The following USP34 variants were observed in gnomAD, a reference collection of about 807,000 sequenced individuals.
USP34 encodes ubiquitin specific peptidase 34, also known as ubiquitin carboxyl-terminal hydrolase 34.
Under a neutral mutation model 460.3 loss-of-function variants are expected in USP34, and 70 were observed. The ratio of observed to expected loss-of-function variants is 0.15; its 90% CI spans 0.13 to 0.19. The LOEUF (loss-of-function observed/expected upper bound fraction) is 0.19. Among genes scored for constraint, USP34 ranks in the 10% least tolerant of loss-of-function variants. The pLI is 1.00. For synonymous variants in USP34, 1,647 were observed against 1,405.3 expected, an observed-to-expected ratio of 1.17 and a Z score of -3.85; for missense variants, 3,985 against 4,236.2, an observed-to-expected ratio of 0.94 and a Z score of 1.65.
intron 21 of USP34, among the ~76,000 whole-genome samples, chr2:61,322,144 C>T (rs947798915): frequency 1.1e-4 from 16 of 152,006 alleles, no homozygotes; most frequent in Non-Finnish European, 2.1e-4. Context: ...GCAGGAGAAT[C>T]GCTTGAACCA....
At chr2:61,216,074 T>C (rs1443460725) in intron 67 of USP34, among the ~76,000 whole-genome samples, 5 of 152,364 alleles carry the variant, frequency 3.3e-5, no homozygotes, top group African/African-American at 9.6e-5. Flanking sequence ...CAAACAAAGT[T>C]AGGGTTTCTA....
rs373642434 is a variant in USP34, at chr2:61,251,050, A to G, written c.6222-2367T>C. On this transcript the variant is annotated intron_variant, in intron 48 of 79. Transcript: ENST00000398571. ...CTACTCAGGAGGCTGAGGCAGGAGA[A>G]TGGCGTGGACCCGGGAGGCGGAGCT... 2.2e-3 allele frequency among the ~76,000 whole-genome samples: 337 copies of G among 152,270 alleles called. 9 individuals carry two copies. The East Asian group carries it at 0.049, about 22-fold the overall frequency.
intron 48 of USP34, among the ~76,000 whole-genome samples, chr2:61,249,521 A>T (rs1222941364): frequency 6.6e-6 from 1 of 152,250 alleles, no homozygotes; most frequent in African/African-American, 2.4e-5. Context: ...CAAACTGCAG[A>T]AAGAAAAACC....
intron 29 of USP34, 28 bp from the exon 30 acceptor site, chr2:61,296,953 C>G: frequency 6.4e-7 from 1 of 1,573,768 alleles, no homozygotes; most frequent in South Asian, 1.2e-5. Flanking sequence ...ACTACTTTAT[C>G]AAAACAGATC....
Position 61,227,049 on chromosome 2 carries a change from A to G in USP34, c.7595+18T>C. ...AAACCAAACATGCTTTAAACATTTTAAATTCGAAACATTTCACCTTTCTGA... is the reference window on the plus strand; with the variant it reads ...AAACCAAACATGCTTTAAACATTTTGAATTCGAAACATTTCACCTTTCTGA... On this transcript the variant is annotated intron_variant, in intron 62 of 79. Coordinates refer to ENST00000398571, the MANE Select transcript of USP34 (RefSeq NM_014709.4). The G allele has an allele frequency of 6.3e-7, 1 of 1,577,244 alleles. No homozygotes were observed. The highest frequency in any genetic ancestry group is 8.6e-7 in the Non-Finnish European group (1 of 1,168,328).
chr2:61,407,745 G>C (rs1693920531), intron 2 of USP34, among the ~76,000 whole-genome samples: 1 of 152,152 alleles, frequency 6.6e-6, no homozygotes, highest in Admixed American at 6.5e-5. Flanking sequence ...TCTAGAGGAA[G>C]CCACCTATCA....
rs1192344816 is a variant in USP34 at position 61,223,313 on chromosome 2, G to C, written c.7596-17C>G. On this transcript the variant is annotated splice_polypyrimidine_tract_variant and intron_variant, in intron 62 of 79. Coordinates refer to ENST00000398571, the MANE Select transcript of USP34 (RefSeq NM_014709.4). ...GTCAAATGCCTGAAAGAAAATATTA[G>C]TGGAAATAAGTTTTTCTTCCTTCTG... 6.2e-7 allele frequency: 1 copy of C among 1,610,082 alleles called. No individual in the cohort carries two copies. Among genetic ancestry groups the C allele is most frequent in the South Asian group, 1.1e-5 (1 of 90,178 alleles).
At chr2:61,448,063 T>C (rs1241595398) in intron 1 of USP34, among the ~76,000 whole-genome samples, 1 of 152,152 alleles carries the variant, frequency 6.6e-6, no homozygotes, top group Non-Finnish European at 1.5e-5. Context: ...AAATAACAAA[T>C]GTTTGGGAGT....
chr2:61,325,892 C>T (rs939633939), intron 20 of USP34, among the ~76,000 whole-genome samples: 1 of 152,118 alleles, frequency 6.6e-6, no homozygotes, highest in African/African-American at 2.4e-5. Context: ...TTCCATAAAT[C>T]TAGTTCATGA....
At chr2:61,448,687 A>G (rs997201101) in intron 1 of USP34, among the ~76,000 whole-genome samples, 11 of 152,344 alleles carry the variant, frequency 7.2e-5, no homozygotes, top group African/African-American at 2.2e-4. Flanking sequence ...TCCACTAAAC[A>G]ATTTACAAAT....
chr2:61,398,878 G>C (rs1333225443), intron 3 of USP34, among the ~76,000 whole-genome samples: 3 of 152,110 alleles, frequency 2.0e-5, no homozygotes, highest in Non-Finnish European at 4.4e-5. Context: ...ATCCACTCCT[G>C]GCTATGACAA....
At chr2:61,450,636 T>C (rs571490075) in intron 1 of USP34, among the ~76,000 whole-genome samples, 7 of 151,846 alleles carry the variant, frequency 4.6e-5, no homozygotes, top group Non-Finnish European at 1.0e-4. Flanking sequence ...AAATAAATGA[T>C]AAAGATGTGC....
chr2:61,367,083 C>T (rs1299958241), intron 10 of USP34, among the ~76,000 whole-genome samples: 1 of 152,086 alleles, frequency 6.6e-6, no homozygotes, highest in Non-Finnish European at 1.5e-5. Flanking sequence ...AAATCCAGTA[C>T]AGACAAGAGA....
At chr2:61,351,634 T>TAAAA (rs1353876990) in intron 10 of USP34, among the ~76,000 whole-genome samples, 6 of 152,160 alleles carry the variant, frequency 3.9e-5, no homozygotes, top group Admixed American at 3.3e-4. Flanking sequence ...AAATACTGAT[T>TAAAA]TTTATATTTT....
chr2:61,453,482 G>A (rs962723639), intron 1 of USP34, among the ~76,000 whole-genome samples: 1 of 151,864 alleles, frequency 6.6e-6, no homozygotes, highest in Non-Finnish European at 1.5e-5. Context: ...GGCCCAGGAG[G>A]GTGAATCACT....
intron 1 of USP34, among the ~76,000 whole-genome samples, chr2:61,463,142 T>C (rs1351832241): frequency 1.3e-5 from 2 of 152,112 alleles, no homozygotes; most frequent in African/African-American, 4.8e-5. Flanking sequence ...TGGAAACATG[T>C]AGTTTTATTA....
chr2:61,222,582 T>C (rs1470961978), intron 65 of USP34, 37 bp downstream of exon 65: 1 of 1,573,208 alleles, frequency 6.4e-7, no homozygotes, highest in African/African-American at 1.4e-5. Flanking sequence ...GTGCTGAAAA[T>C]TGTTTTAAAA....
intron 35 of USP34, among the ~76,000 whole-genome samples, chr2:61,284,079 G>C (rs548887929): frequency 6.6e-6 from 1 of 152,014 alleles, no homozygotes; most frequent in African/African-American, 2.4e-5. Context: ...CCAAATAAAA[G>C]AATCACTGGT....
At chr2:61,467,100 T>TG (rs1218875177) in intron 1 of USP34, among the ~76,000 whole-genome samples, 2 of 151,654 alleles carry the variant, frequency 1.3e-5, no homozygotes, top group Non-Finnish European at 2.9e-5. Flanking sequence ...GGTAAGGAGT[T>TG]CAGACCAGCC....
Sources: allele counts gnomAD v4.1 joint callset (sites outside exome capture counted in the v4.1 genomes callset), GRCh38; gene constraint gnomAD v4.1.1; transcripts MANE v1.5; gene names NCBI Gene and HGNC (gene_info 2026-07-23, HGNC 2026-07-21).